Variants in CDYL observed in about 807,000 individuals in gnomAD.
CDYL encodes chromodomain Y like.
CDYL carries 8 observed loss-of-function variants against 47.3 expected under a neutral mutation model. The ratio of observed to expected loss-of-function variants is 0.17; its 90% CI spans 0.10 to 0.31. The LOEUF (loss-of-function observed/expected upper bound fraction) is 0.31. Ranked by LOEUF, CDYL falls within the 10% of genes least tolerant of loss-of-function variation. The pLI is 1.00. For missense variants in CDYL, 471 were observed against 701.4 expected, an observed-to-expected ratio of 0.67 and a Z score of 3.71; for synonymous variants, 266 against 265.0, an observed-to-expected ratio of 1.00 and a Z score of -0.04.
intron 1 of CDYL, among the ~76,000 whole-genome samples, chr6:4,867,390 T>C (rs1263055875): frequency 6.6e-6 from 1 of 152,164 alleles, no homozygotes; most frequent in Non-Finnish European, 1.5e-5. Context: ...ACATCCTTAC[T>C]TCATTCCTGG....
At chr6:4,787,321 CAG>C (rs1470034879) in intron 1 of CDYL, among the ~76,000 whole-genome samples, 4 of 152,136 alleles carry the variant, frequency 2.6e-5, no homozygotes, top group African/African-American at 9.7e-5. Flanking sequence ...GAGTCAGAGT[CAG>C]AGTTTCCCCA....
At chr6:4,909,984 C>A (rs1735543375) in intron 2 of CDYL, among the ~76,000 whole-genome samples, 1 of 151,846 alleles carries the variant, frequency 6.6e-6, no homozygotes, top group Non-Finnish European at 1.5e-5. Flanking sequence ...TGGCCAATTT[C>A]TTTCCTCCTG....
chr6:4,819,160 C>CTGTGTGTGTG (rs1242099604), intron 1 of CDYL, among the ~76,000 whole-genome samples: 1 of 124,032 alleles, frequency 8.1e-6, no homozygotes, highest in African/African-American at 4.5e-5. Context: ...CTCTCTCTCT[C>CTGTGTGTGTG]TCTGTGTGTG....
At chr6:4,836,469 C>T (rs1247254039) in intron 1 of CDYL, among the ~76,000 whole-genome samples, 1 of 152,178 alleles carries the variant, frequency 6.6e-6, no homozygotes, top group Non-Finnish European at 1.5e-5. Context: ...CTTCGGCTTT[C>T]CTTCCTGTGA....
intron 5 of CDYL, among the ~76,000 whole-genome samples, chr6:4,950,913 CAGA>C (rs530254166): frequency 3.0e-5 from 4 of 135,024 alleles, no homozygotes; most frequent in South Asian, 4.9e-4. Flanking sequence ...GCCTGGGCGA[CAGA>C]AGGAGACTCC....
At chr6:4,808,760 T>C (rs1203048755) in intron 1 of CDYL, among the ~76,000 whole-genome samples, 1 of 152,256 alleles carries the variant, frequency 6.6e-6, no homozygotes. Context: ...ACGGCTCTTT[T>C]TGTCTTTAGC....
At chr6:4,863,463 A>G (rs1166046658) in intron 1 of CDYL, among the ~76,000 whole-genome samples, 2 of 152,232 alleles carry the variant, frequency 1.3e-5, no homozygotes, top group Non-Finnish European at 2.9e-5. Context: ...TGGAATTAAA[A>G]AAAGGTCACT....
At chr6:4,749,350 A>C (rs1292042634) in intron 3 of CDYL, among the ~76,000 whole-genome samples, 1 of 60,586 alleles carries the variant, frequency 1.7e-5, no homozygotes, top group East Asian at 5.6e-4. Context: ...GCTGGATATG[A>C]GATAGATGGA....
At chr6:4,710,370 AGGGAG>A (rs1189351781) in intron 1 of CDYL, among the ~76,000 whole-genome samples, 11 of 125,736 alleles carry the variant, frequency 8.7e-5, no homozygotes, top group Admixed American at 5.6e-4. Context: ...GGAAGGAGGG[AGGGAG>A]GGAGGGAAGG....
At chr6:4,791,524 T>C (rs1319150565) in intron 1 of CDYL, among the ~76,000 whole-genome samples, 3 of 152,226 alleles carry the variant, frequency 2.0e-5, no homozygotes, top group African/African-American at 4.8e-5. Flanking sequence ...GGATATTCTG[T>C]GTTGTCAACA....
chr6:4,955,443 A>G lies in CDYL; in HGVS notation c.*1387A>G, dbSNP rs1048197514. Reference sequence around the variant, plus strand: ...ATCTGTGGGACCTACCTTTTCGTTCAGTAGTTTGAACTATATATAAACTGT... The same window carrying G: ...ATCTGTGGGACCTACCTTTTCGTTCGGTAGTTTGAACTATATATAAACTGT... On this transcript the variant is annotated 3_prime_UTR_variant, in exon 7 of 7. Coordinates refer to ENST00000397588, the MANE Select transcript of CDYL (RefSeq NM_004824.4). The G allele has an allele frequency of 2.0e-5, 3 of 152,674 alleles. No individual in the cohort carries two copies. The highest frequency in any genetic ancestry group is 7.2e-5 in the African/African-American group (3 of 41,466). The allele number at this position is 152,674 out of a possible 1,614,324, so 9.5% of individuals were successfully genotyped here. A position where few individuals can be genotyped will look rare whatever the true frequency, so the allele number is the denominator to read the frequency against.
At chr6:4,770,537 T>C (rs1421409421) in intron 3 of CDYL, among the ~76,000 whole-genome samples, 5 of 152,228 alleles carry the variant, frequency 3.3e-5, no homozygotes, top group Non-Finnish European at 7.3e-5. Flanking sequence ...TTTGTGTTTA[T>C]TTATTATTTT....
chr6:4,759,956 A>G (rs1395720405), intron 3 of CDYL, among the ~76,000 whole-genome samples: 3 of 149,724 alleles, frequency 2.0e-5, no homozygotes, highest in Non-Finnish European at 3.0e-5. Context: ...GAAAGAAAGA[A>G]AAAAGAAAAA....
intron 1 of CDYL, among the ~76,000 whole-genome samples, chr6:4,890,330 G>A (rs990311930): frequency 5.9e-5 from 9 of 152,080 alleles, no homozygotes; most frequent in African/African-American, 1.9e-4. Context: ...GGGAAAAATC[G>A]CTTTCAAGAG....
chr6:4,798,244 A>G (rs539827886), intron 1 of CDYL, among the ~76,000 whole-genome samples: 33 of 152,282 alleles, frequency 2.2e-4, no homozygotes, highest in African/African-American at 7.9e-4. Flanking sequence ...AAGTGCTAGG[A>G]TTACATGCAT....
chr6:4,917,812 G>T (rs1757598941), intron 2 of CDYL, among the ~76,000 whole-genome samples: 1 of 152,132 alleles, frequency 6.6e-6, no homozygotes, highest in South Asian at 2.1e-4. Flanking sequence ...CCTTACTCTG[G>T]GTAATTACAG....
chr6:4,805,010 TTAGC>T (rs1162260592), intron 1 of CDYL, among the ~76,000 whole-genome samples: 1 of 152,140 alleles, frequency 6.6e-6, no homozygotes, highest in African/African-American at 2.4e-5. Context: ...GTTAACGGTG[TTAGC>T]TAGTTTGAAT....
chr6:4,729,128 C>G (rs1354731906), intron 2 of CDYL, among the ~76,000 whole-genome samples: 1 of 152,134 alleles, frequency 6.6e-6, no homozygotes, highest in Non-Finnish European at 1.5e-5. Context: ...AATTACAGCA[C>G]AGAGTCAGCA....
At chr6:4,900,779 G>GTGTGTGTGTATATGTA in intron 2 of CDYL, among the ~76,000 whole-genome samples, 1 of 51,706 alleles carries the variant, frequency 1.9e-5, no homozygotes, top group Non-Finnish European at 4.1e-5. Context: ...GTATACGTGT[G>GTGTGTGTGTATATGTA]TATATATATA....
Sources: allele counts gnomAD v4.1 joint callset (sites outside exome capture counted in the v4.1 genomes callset), GRCh38; gene constraint gnomAD v4.1.1; transcripts MANE v1.5; gene names NCBI Gene and HGNC (gene_info 2026-07-23, HGNC 2026-07-21).